Variants in TANC1 observed in about 807,000 individuals in gnomAD.
TANC1 encodes the protein protein TANC1.
In TANC1, 77 loss-of-function variants were observed where a neutral mutation model predicts 149.7. The observed-to-expected ratio is 0.51, with a 90% confidence interval of 0.43 to 0.62. TANC1 has a LOEUF of 0.62. Ranked by LOEUF, TANC1 falls within the 20% of genes least tolerant of loss-of-function variation. TANC1 has a pLI of 0.00. For missense variants in TANC1, 1,985 were observed against 2,321.8 expected, an observed-to-expected ratio of 0.85 and a Z score of 2.98; for synonymous variants, 854 against 925.0, an observed-to-expected ratio of 0.92 and a Z score of 1.39.
At position 159,230,863 on chromosome 2, in the gene TANC1, C is replaced by A. The variant is rs1257046495; in HGVS notation, c.5437C>A (p.His1813Asn). ...LEESKCQIPVHSQENRITKTV... is the reference protein window; with the variant it reads ...LEESKCQIPVNSQENRITKTV... The stretch of plus-strand genomic sequence containing the variant: ...AGAAAGCAAGTGCCAAATTCCAGTC[C>A]ACTCTCAAGAGAACAGGATAACTAA... Residue 1813 changes from histidine (H) to asparagine (N), a missense_variant, in exon 27 of 27, where the codon CAC (histidine) becomes AAC (asparagine). Physicochemically the swap from His to Asn is moderately conservative, Grantham distance 68. Transcript: ENST00000263635. The surrounding 1 kb of genome is among the most constrained non-coding windows in gnomAD (Gnocchi z 4.4). 1.2e-6 allele frequency: 2 copies of A among 1,614,074 alleles called. No individual in the cohort carries two copies. The highest frequency in any genetic ancestry group is 1.1e-5 in the South Asian group (1 of 91,084).
intron 1 of TANC1, among the ~76,000 whole-genome samples, chr2:158,992,227 G>T: frequency 6.6e-6 from 1 of 151,948 alleles, no homozygotes; most frequent in Non-Finnish European, 1.5e-5. Context: ...AGATGGGCAT[G>T]GTGGTGTGCA....
intron 3 of TANC1, among the ~76,000 whole-genome samples, chr2:159,072,086 A>AT (rs76601547): frequency 0.11 from 16,601 of 152,078 alleles, 928 homozygotes; most frequent in African/African-American, 0.13. Context: ...GGTTCAAGCG[A>AT]TTTTCCTGCC....
At chr2:159,227,729 G>C (rs1040487546) in intron 24 of TANC1, 90 bp from the exon 25 acceptor site, 13 of 1,402,020 alleles carry the variant, frequency 9.3e-6, no homozygotes, top group South Asian at 6.2e-5. Context: ...TTGCAGGGGG[G>C]AGTAAACTCC....
intron 3 of TANC1, among the ~76,000 whole-genome samples, chr2:159,066,289 T>G (rs913174092): frequency 6.6e-6 from 1 of 152,056 alleles, no homozygotes. Flanking sequence ...GGCACATACT[T>G]GTAAATCCTA....
chr2:159,042,726 C>CAG (rs1357579593), intron 2 of TANC1, among the ~76,000 whole-genome samples: 3 of 151,764 alleles, frequency 2.0e-5, no homozygotes, highest in Admixed American at 6.6e-5. Context: ...GACTAATTTC[C>CAG]AGAGAGAGAG....
intron 1 of TANC1, among the ~76,000 whole-genome samples, chr2:158,989,778 T>A (rs2035419778): frequency 6.6e-6 from 1 of 152,160 alleles, no homozygotes; most frequent in Non-Finnish European, 1.5e-5. Context: ...GCTTTCAGCA[T>A]CAAAACATGC....
intron 4 of TANC1, among the ~76,000 whole-genome samples, chr2:159,118,715 G>A (rs1046182630): frequency 6.6e-6 from 1 of 152,182 alleles, no homozygotes; most frequent in African/African-American, 2.4e-5. Flanking sequence ...CCTTGATGGT[G>A]GAGAAACGTC....
chr2:159,205,453 C>T (rs185883384), intron 19 of TANC1, among the ~76,000 whole-genome samples: 8 of 152,314 alleles, frequency 5.3e-5, no homozygotes, highest in East Asian at 3.9e-4. Context: ...TTTCTGTCAG[C>T]GATGGACTGC....
intron 19 of TANC1, among the ~76,000 whole-genome samples, chr2:159,200,117 G>C (rs1409597727): frequency 6.6e-6 from 1 of 152,170 alleles, no homozygotes; most frequent in Non-Finnish European, 1.5e-5. Context: ...CTTTTAAACA[G>C]TATAGGCTGC....
chr2:159,010,723 CTT>C (rs35513612), intron 2 of TANC1, among the ~76,000 whole-genome samples: 70 of 132,088 alleles, frequency 5.3e-4, no homozygotes, highest in Middle Eastern at 3.7e-3. Context: ...GAATGAAAGG[CTT>C]TTTTTTTTTT....
intron 2 of TANC1, among the ~76,000 whole-genome samples, chr2:159,064,050 A>AT (rs1298801718): frequency 6.6e-6 from 1 of 152,002 alleles, no homozygotes; most frequent in East Asian, 1.9e-4. Flanking sequence ...TTTTTCTCTT[A>AT]TTTTTTAGGT....
chr2:159,183,821 G>C (rs1349695495), intron 14 of TANC1, among the ~76,000 whole-genome samples: 1 of 152,124 alleles, frequency 6.6e-6, no homozygotes, highest in Admixed American at 6.5e-5. Flanking sequence ...CCTGAGTGAC[G>C]GGGCAGGTTG....
At chr2:159,095,366 T>TAA (rs1379356050) in intron 3 of TANC1, among the ~76,000 whole-genome samples, 2 of 152,138 alleles carry the variant, frequency 1.3e-5, no homozygotes, top group Non-Finnish European at 2.9e-5. Context: ...CAGGAGAGAC[T>TAA]AAAATTATCT....
chr2:159,025,574 G>A (rs1297514808), intron 2 of TANC1, among the ~76,000 whole-genome samples: 3 of 152,124 alleles, frequency 2.0e-5, no homozygotes, highest in African/African-American at 4.8e-5. Flanking sequence ...CCTAATACTT[G>A]TCAATACCTA....
intron 1 of TANC1, among the ~76,000 whole-genome samples, chr2:159,000,733 C>G (rs538572255): frequency 9.2e-5 from 14 of 151,774 alleles, no homozygotes; most frequent in African/African-American, 2.9e-4. Flanking sequence ...GTGTGCGAGC[C>G]GGAAGGATAG....
intron 20 of TANC1, 109 bp downstream of exon 20, chr2:159,217,739 C>T (rs1389412004): frequency 1.4e-6 from 2 of 1,385,190 alleles, no homozygotes; most frequent in African/African-American, 2.9e-5. Context: ...TGTCTGTTCC[C>T]CATCCTCGGC....
chr2:159,081,515 A>G (rs1049302136), intron 3 of TANC1, among the ~76,000 whole-genome samples: 1 of 152,040 alleles, frequency 6.6e-6, no homozygotes, highest in African/African-American at 2.4e-5. Context: ...CTCTGTGTGC[A>G]TGTCACCACC....
intron 2 of TANC1, among the ~76,000 whole-genome samples, chr2:159,065,641 T>TA (rs1491166200): frequency 1.8e-5 from 1 of 55,228 alleles, no homozygotes; most frequent in Non-Finnish European, 5.2e-5. Context: ...TGCACTATTG[T>TA]TTTTTTTTTT....
chr2:158,968,702 G>A lies in TANC1; in HGVS notation c.-206G>A, dbSNP rs1242951557. The A allele has an allele frequency of 6.6e-6, 1 of 152,318 alleles. No homozygotes were observed. Among genetic ancestry groups the A allele is most frequent in the Non-Finnish European group, 1.5e-5 (1 of 68,148 alleles). 9.4% of individuals were successfully genotyped at this position (152,318 alleles called of 1,614,324 possible). A position where few individuals can be genotyped will look rare whatever the true frequency, so the allele number is the denominator to read the frequency against. On this transcript the variant is annotated 5_prime_UTR_variant, in exon 1 of 27. Transcript: ENST00000263635. ...CGGGAGCCGGAGGAGAGGCAGCCGC[G>A]GAGCGCCGAGCTGGCCTCGCCCCGA...
Sources: allele counts gnomAD v4.1 joint callset (sites outside exome capture counted in the v4.1 genomes callset), GRCh38; gene constraint gnomAD v4.1.1; non-coding constraint Gnocchi (gnomAD v3.1); transcripts MANE v1.5; gene names NCBI Gene and HGNC (gene_info 2026-07-23, HGNC 2026-07-21).